The following SAMD5 variants were observed in gnomAD, a reference collection of about 807,000 sequenced individuals.
SAMD5 encodes the protein sterile alpha motif domain-containing protein 5.
Under a neutral mutation model 11.3 loss-of-function variants are expected in SAMD5, and 13 were observed. That is an observed-to-expected ratio of 1.15 (90% CI 0.75 to 1.83). The LOEUF (loss-of-function observed/expected upper bound fraction) is 1.83, where lower values mean the gene tolerates loss of function less well. Among genes scored for constraint, SAMD5 ranks in the 40% most tolerant of loss-of-function variants. SAMD5 has a pLI of 0.00. For missense variants in SAMD5, 255 were observed against 239.1 expected (o/e 1.07, Z -0.44); for synonymous variants, 129 against 111.3 (o/e 1.16, Z -1.00).
chr6:147,675,058 A>G (rs1790844427), intron 1 of SAMD5, among the ~76,000 whole-genome samples: 1 of 152,190 alleles, frequency 6.6e-6, no homozygotes, highest in African/African-American at 2.4e-5. Context: ...CTGGCCAGCT[A>G]CTATTAATCA....
the SAMD5 span, among the ~76,000 whole-genome samples, chr6:147,895,118 T>C: frequency 6.6e-6 from 1 of 152,234 alleles, no homozygotes; most frequent in African/African-American, 2.4e-5. Flanking sequence ...TGATGAAAAG[T>C]GCAGCTTAGG....
the SAMD5 span, among the ~76,000 whole-genome samples, chr6:147,767,903 A>G: frequency 5.3e-5 from 8 of 152,202 alleles, no homozygotes; most frequent in African/African-American, 1.7e-4. Flanking sequence ...ATAAAAGCAT[A>G]TTATTTAGAA....
intron 1 of SAMD5, among the ~76,000 whole-genome samples, chr6:147,707,869 G>A (rs1791345756): frequency 6.6e-6 from 1 of 152,136 alleles, no homozygotes; most frequent in Non-Finnish European, 1.5e-5. Flanking sequence ...CTGGGGATGA[G>A]GGGGTTGAGA....
At chr6:147,921,671 G>C in the SAMD5 span, among the ~76,000 whole-genome samples, 1 of 152,172 alleles carries the variant, frequency 6.6e-6, no homozygotes, top group African/African-American at 2.4e-5. Context: ...TGCATTGGGA[G>C]GTGGTAGTGT....
chr6:147,721,403 A>C (rs1457498084), intron 1 of SAMD5, among the ~76,000 whole-genome samples: 1 of 152,126 alleles, frequency 6.6e-6, no homozygotes, highest in Non-Finnish European at 1.5e-5. Flanking sequence ...AACTGGTGTG[A>C]GATGGTATCT....
At chr6:147,628,206 G>A (rs1190029308) in intron 1 of SAMD5, among the ~76,000 whole-genome samples, 1 of 152,148 alleles carries the variant, frequency 6.6e-6, no homozygotes, top group South Asian at 2.1e-4. Flanking sequence ...AGAACTTCTA[G>A]TTCCTTTAAG....
chr6:147,803,334 A>G, the SAMD5 span, among the ~76,000 whole-genome samples: 22 of 152,130 alleles, frequency 1.4e-4, no homozygotes, highest in East Asian at 3.9e-3. Context: ...TATATCTTCA[A>G]TTCACTCTCT....
intron 1 of SAMD5, among the ~76,000 whole-genome samples, chr6:147,547,684 G>A (rs578024865): frequency 5.7e-4 from 87 of 152,274 alleles, no homozygotes; most frequent in Admixed American, 1.8e-3. Flanking sequence ...TGTACTGTAA[G>A]CTCATCGTGG....
chr6:147,623,857 A>AGTCTTTTTTTTATTTTTTTATTTTT (rs1790008489), intron 1 of SAMD5, among the ~76,000 whole-genome samples: 1 of 152,004 alleles, frequency 6.6e-6, no homozygotes, highest in African/African-American at 2.4e-5. Context: ...AGTTTATTTT[A>AGTCTTTTTTTTATTTTTTTATTTTT]GTCTTTTTTT....
the SAMD5 span, among the ~76,000 whole-genome samples, chr6:147,828,147 G>A: frequency 6.6e-6 from 1 of 152,238 alleles, no homozygotes; most frequent in South Asian, 2.1e-4. Flanking sequence ...TTTAACCATT[G>A]TTTAAATATA....
chr6:147,720,963 C>A, intron 1 of SAMD5, among the ~76,000 whole-genome samples: 1 of 129,174 alleles, frequency 7.7e-6, no homozygotes, highest in East Asian at 2.4e-4. Flanking sequence ...GTTTTTTGTT[C>A]TTGTGATAGT....
At chr6:147,528,145 A>G (rs4896921) in intron 1 of SAMD5, among the ~76,000 whole-genome samples, 80,747 of 151,926 alleles carry the variant, frequency 0.53, 21,917 homozygotes, top group Admixed American at 0.61. Context: ...ACAATTTGAC[A>G]TGAGATTCAC....
At chr6:147,814,330 C>T in the SAMD5 span, among the ~76,000 whole-genome samples, 1 of 152,060 alleles carries the variant, frequency 6.6e-6, no homozygotes, top group Non-Finnish European at 1.5e-5. Context: ...TATTCAAATG[C>T]AATCGATGTT....
chr6:147,691,499 A>G (rs926334090), intron 1 of SAMD5, among the ~76,000 whole-genome samples: 5 of 152,204 alleles, frequency 3.3e-5, no homozygotes, highest in African/African-American at 1.2e-4. Context: ...TTTGTTACCT[A>G]AAAGAGTAAT....
intron 1 of SAMD5, among the ~76,000 whole-genome samples, chr6:147,715,285 G>C (rs746414661): frequency 7.2e-5 from 11 of 152,250 alleles, no homozygotes; most frequent in Non-Finnish European, 1.6e-4. Flanking sequence ...GAGTTTGAGA[G>C]TGAGCATGGG....
chr6:147,716,484 G>C (rs1014047367), intron 1 of SAMD5, among the ~76,000 whole-genome samples: 1 of 152,242 alleles, frequency 6.6e-6, no homozygotes, highest in Non-Finnish European at 1.5e-5. Context: ...CTGGGAAGGC[G>C]GGACTCCTGC....
intron 1 of SAMD5, among the ~76,000 whole-genome samples, chr6:147,625,765 C>G (rs1308916657): frequency 6.6e-6 from 1 of 152,200 alleles, no homozygotes; most frequent in African/African-American, 2.4e-5. Flanking sequence ...TCTCTCTGGC[C>G]TTCAAACCTA....
the SAMD5 span, among the ~76,000 whole-genome samples, chr6:147,769,413 T>A: frequency 3.3e-5 from 5 of 152,312 alleles, no homozygotes; most frequent in Non-Finnish European, 5.9e-5. Flanking sequence ...TTCAATTATT[T>A]ATTTTCTCTG....
intron 1 of SAMD5, among the ~76,000 whole-genome samples, chr6:147,524,470 A>G (rs185799212): frequency 6.6e-6 from 1 of 151,276 alleles, no homozygotes; most frequent in South Asian, 2.1e-4. Flanking sequence ...GAGCGCCTAT[A>G]ATAGTGAACC....
Sources: gnomAD v4.1 joint callset for allele counts (sites outside exome capture counted in the v4.1 genomes callset) on GRCh38, gnomAD v4.1.1 for gene constraint, MANE v1.5 for transcripts, NCBI Gene and HGNC (gene_info 2026-07-23, HGNC 2026-07-21) for gene names.